Variants in EFCAB8 observed in about 807,000 individuals in gnomAD.
The protein encoded by EFCAB8 is EF-hand calcium binding domain 8.
Under a neutral mutation model 116.3 loss-of-function variants are expected in EFCAB8, and 100 were observed. That is an observed-to-expected ratio of 0.86 (90% CI 0.73 to 1.02). EFCAB8 has a LOEUF of 1.02. Ranked by LOEUF, EFCAB8 falls within the 50% of genes least tolerant of loss-of-function variation. EFCAB8 has a pLI of 0.00. For synonymous variants in EFCAB8, 558 were observed against 567.9 expected (o/e 0.98, Z 0.25); for missense variants, 1,320 against 1,416.9 (o/e 0.93, Z 1.10).
chr20:32,876,139 C>G, intron 4 of EFCAB8, 95 bp downstream of exon 4: 4 of 1,093,254 alleles, frequency 3.7e-6, no homozygotes, highest in Non-Finnish European at 5.4e-6. Context: ...GAGGCCATCA[C>G]GATGTGGGAA....
chr20:32,908,436 T>C, intron 14 of EFCAB8, 24 bp downstream of exon 14: 1 of 1,249,622 alleles, frequency 8.0e-7, no homozygotes, highest in Non-Finnish European at 1.0e-6. Flanking sequence ...CAGGAGGGAG[T>C]GGGGTCAAGG....
intron 6 of EFCAB8, among the ~76,000 whole-genome samples, chr20:32,886,943 T>C (rs1985661905): frequency 6.6e-6 from 1 of 152,164 alleles, no homozygotes; most frequent in South Asian, 2.1e-4. Flanking sequence ...CCTAGGGCTC[T>C]TGGTTTCTCT....
intron 10 of EFCAB8, among the ~76,000 whole-genome samples, chr20:32,896,968 C>T (rs1267021096): frequency 6.6e-6 from 1 of 152,194 alleles, no homozygotes; most frequent in African/African-American, 2.4e-5. Context: ...CTCCTGCTTG[C>T]AAGCTCTGGG....
intron 17 of EFCAB8, chr20:32,917,055 G>A (rs1256097840): frequency 3.9e-6 from 2 of 508,974 alleles, no homozygotes; most frequent in Admixed American, 3.5e-5. Context: ...GACTGGGGGT[G>A]TATTACACAT....
At chr20:32,864,849 CAAG>C (rs1984307021) in intron 2 of EFCAB8, among the ~76,000 whole-genome samples, 2 of 152,110 alleles carry the variant, frequency 1.3e-5, no homozygotes, top group Admixed American at 6.6e-5. Flanking sequence ...CACTATGAGA[CAAG>C]GAGTAATAAC....
chr20:32,904,762 G>A (rs546937973), intron 11 of EFCAB8, among the ~76,000 whole-genome samples: 1 of 152,120 alleles, frequency 6.6e-6, no homozygotes, highest in African/African-American at 2.4e-5. Context: ...GAGTAGCTGG[G>A]ATTACAGGCA....
chr20:32,929,053 C>CT (rs1264196056), intron 20 of EFCAB8, among the ~76,000 whole-genome samples: 1 of 151,664 alleles, frequency 6.6e-6, no homozygotes, highest in East Asian at 1.9e-4. Flanking sequence ...GTATATAATC[C>CT]TTTTAATATG....
intron 23 of EFCAB8, among the ~76,000 whole-genome samples, chr20:32,947,492 C>T (rs1007852445): frequency 7.2e-5 from 11 of 152,126 alleles, no homozygotes; most frequent in Middle Eastern, 3.2e-3. Flanking sequence ...TTATGCCATA[C>T]AAAGTATGTT....
At chr20:32,935,622 T>C (rs1012752979) in intron 22 of EFCAB8, among the ~76,000 whole-genome samples, 2 of 151,956 alleles carry the variant, frequency 1.3e-5, no homozygotes, top group African/African-American at 4.8e-5. Context: ...TTCTCCTGCC[T>C]CAGCCTCCCA....
intron 10 of EFCAB8, among the ~76,000 whole-genome samples, chr20:32,897,524 C>T (rs1986219809): frequency 6.6e-6 from 1 of 151,556 alleles, no homozygotes; most frequent in Non-Finnish European, 1.5e-5. Context: ...CTCACTGCAG[C>T]CTTGACCTCC....
intron 17 of EFCAB8, among the ~76,000 whole-genome samples, chr20:32,913,985 C>T (rs1039865586): frequency 1.3e-5 from 2 of 152,238 alleles, no homozygotes; most frequent in Non-Finnish European, 2.9e-5. Flanking sequence ...ATTTGGGGAG[C>T]CTTGCCCCCA....
rs1169358767 is a variant in EFCAB8 at position 32,923,455 on chromosome 20, C to T, written c.2412+3240C>T. On this transcript the variant is annotated intron_variant, in intron 20 of 26. Transcript: ENST00000400522. ...GAGCTGAGATCGTGCCACTGCACTC[C>T]AGCCTGGGTGACACAGTGAGATTCG... Among the ~76,000 whole-genome samples, 6 of 152,234 alleles carry T rather than the reference C, an allele frequency of 3.9e-5. No individual in the cohort carries two copies. In the East Asian group the frequency reaches 1.2e-3, roughly 29 times the overall value.
intron 22 of EFCAB8, among the ~76,000 whole-genome samples, chr20:32,941,514 A>C (rs979511608): frequency 7.6e-6 from 1 of 131,448 alleles, no homozygotes; most frequent in Admixed American, 7.1e-5. Context: ...ATGGTGATAC[A>C]ATGGAATGTT....
At chr20:32,894,441 C>T (rs1357930991) in intron 9 of EFCAB8, among the ~76,000 whole-genome samples, 3 of 152,340 alleles carry the variant, frequency 2.0e-5, no homozygotes, top group South Asian at 4.1e-4. Context: ...AGTCACTCTG[C>T]GCCACCGTGG....
intron 3 of EFCAB8, among the ~76,000 whole-genome samples, chr20:32,869,209 G>T (rs981828660): frequency 1.3e-5 from 2 of 152,132 alleles, no homozygotes; most frequent in African/African-American, 4.8e-5. Context: ...CAACAACAGG[G>T]AGAAAAACTC....
intron 11 of EFCAB8, among the ~76,000 whole-genome samples, chr20:32,904,343 C>A (rs1178428452): frequency 9.9e-5 from 15 of 151,596 alleles, no homozygotes; most frequent in Non-Finnish European, 1.5e-5. Context: ...CTCTGTCCCC[C>A]AGGCTGGAGT....
At chr20:32,931,614 G>A (rs148356022) in intron 22 of EFCAB8, among the ~76,000 whole-genome samples, 145 of 152,148 alleles carry the variant, frequency 9.5e-4, no homozygotes, top group African/African-American at 3.3e-3. Flanking sequence ...AAAATTAGCC[G>A]AGTGTGGTGG....
intron 26 of EFCAB8, 72 bp from the exon 27 acceptor site, chr20:32,961,064 T>C: frequency 1.5e-6 from 2 of 1,348,846 alleles, no homozygotes; most frequent in East Asian, 2.5e-5. Flanking sequence ...TTCCTGTGAG[T>C]CTACTCTTGA....
At chr20:32,936,249 G>C (rs572109320) in intron 22 of EFCAB8, among the ~76,000 whole-genome samples, 1 of 152,146 alleles carries the variant, frequency 6.6e-6, no homozygotes, top group South Asian at 2.1e-4. Flanking sequence ...GGCCAGGCTG[G>C]TGTTGAACTC....
Sources: gnomAD v4.1 joint callset for allele counts (sites outside exome capture counted in the v4.1 genomes callset) on GRCh38, gnomAD v4.1.1 for gene constraint, MANE v1.5 for transcripts, NCBI Gene and HGNC (gene_info 2026-07-23, HGNC 2026-07-21) for gene names.